Variants in NCKAP1 observed in about 807,000 individuals in gnomAD.
NCKAP1 encodes nck-associated protein 1.
A neutral mutation model predicts 151.2 loss-of-function variants in NCKAP1; 21 were observed. That is an observed-to-expected ratio of 0.14 (90% confidence interval 0.10 to 0.20). The LOEUF is 0.20. NCKAP1 is among the 10% of genes least tolerant of loss of function. The pLI is 1.00. For synonymous variants in NCKAP1, 484 were observed against 451.8 expected (o/e 1.07, Z -0.90); for missense variants, 933 against 1,352.1 (o/e 0.69, Z 4.86).
chr2:182,988,088 G>C (rs191971781), intron 9 of NCKAP1, among the ~76,000 whole-genome samples: 18 of 152,220 alleles, frequency 1.2e-4, no homozygotes, highest in African/African-American at 3.6e-4. Context: ...GGAAGAAAAG[G>C]GCAGATTCCT....
chr2:182,973,948 C>A (rs1221526492), intron 15 of NCKAP1, among the ~76,000 whole-genome samples: 1 of 152,060 alleles, frequency 6.6e-6, no homozygotes, highest in Non-Finnish European at 1.5e-5. Flanking sequence ...TTCAGATTTT[C>A]AGCTGCTATT....
At chr2:182,979,521 A>G (rs1697895610) in intron 13 of NCKAP1, among the ~76,000 whole-genome samples, 1 of 152,144 alleles carries the variant, frequency 6.6e-6, no homozygotes, top group African/African-American at 2.4e-5. Context: ...CTTAGCTTAC[A>G]AACAGTATAA....
chr2:182,980,402 T>C (rs995173591), intron 13 of NCKAP1, among the ~76,000 whole-genome samples: 9 of 152,180 alleles, frequency 5.9e-5, no homozygotes, highest in African/African-American at 9.6e-5. Flanking sequence ...TCTGGAAAAC[T>C]AGCAGCTTTA....
At position 182,995,801 on chromosome 2, in the gene NCKAP1, T is replaced by G. The variant is rs373042474; in HGVS notation, c.641A>C (p.Tyr214Ser). ...SDALISLQMV[Y>S]PRRNLSADQW... ...GTCAGCTGAAAGATTCCTTCGAGGA[T>G]ATACCATTTGAAGAGAAATTAGTGC... The change falls in exon 7 of 31, where the codon TAT (tyrosine) becomes TCT (serine). Residue 214 changes from tyrosine (Y) to serine (S), a missense_variant. By Grantham distance (144) the Tyr-to-Ser change is moderately radical. Transcript: ENST00000361354. 3.1e-6 allele frequency: 5 copies of G among 1,612,472 alleles called. No homozygotes were observed. The highest frequency in any genetic ancestry group is 1.3e-5 in the African/African-American group (1 of 75,004).
chr2:183,013,005 T>A (rs2105885604), intron 2 of NCKAP1, among the ~76,000 whole-genome samples: 1 of 152,106 alleles, frequency 6.6e-6, no homozygotes, highest in South Asian at 2.1e-4. Flanking sequence ...TTCATAACTG[T>A]CTGATAAAAC....
intron 2 of NCKAP1, among the ~76,000 whole-genome samples, chr2:183,023,464 A>G (rs1406033360): frequency 6.6e-6 from 1 of 152,174 alleles, no homozygotes; most frequent in African/African-American, 2.4e-5. Flanking sequence ...TACTAACTTC[A>G]ACAGGAAGTT....
At chr2:182,980,434 G>C (rs1357075020) in intron 13 of NCKAP1, among the ~76,000 whole-genome samples, 1 of 151,880 alleles carries the variant, frequency 6.6e-6, no homozygotes, top group Non-Finnish European at 1.5e-5. Flanking sequence ...ATATAAAGAG[G>C]ATTCTTAACT....
chr2:182,985,046 A>G (rs1278380779), intron 10 of NCKAP1, among the ~76,000 whole-genome samples: 1 of 152,252 alleles, frequency 6.6e-6, no homozygotes, highest in Non-Finnish European at 1.5e-5. Flanking sequence ...GAATTCTAAC[A>G]AACTCCAAAG....
intron 7 of NCKAP1, 149 bp from the exon 8 acceptor site, chr2:182,995,036 T>C: frequency 1.6e-6 from 1 of 640,466 alleles, no homozygotes; most frequent in Non-Finnish European, 2.7e-6. Context: ...TGGATAAAAG[T>C]TTTATTACCT....
chr2:182,971,318 C>T (rs1213830534), intron 15 of NCKAP1, among the ~76,000 whole-genome samples: 1 of 142,484 alleles, frequency 7.0e-6, no homozygotes, highest in African/African-American at 2.6e-5. Flanking sequence ...GGCGTGAACC[C>T]GGGAGGCGGA....
chr2:182,931,961 C>A (rs1211173430), intron 26 of NCKAP1, among the ~76,000 whole-genome samples: 1 of 152,038 alleles, frequency 6.6e-6, no homozygotes, highest in African/African-American at 2.4e-5. Flanking sequence ...TGATTAAGAA[C>A]ACAGACAATT....
At chr2:182,945,858 G>A (rs1014939999) in intron 23 of NCKAP1, among the ~76,000 whole-genome samples, 1 of 152,166 alleles carries the variant, frequency 6.6e-6, no homozygotes, top group African/African-American at 2.4e-5. Flanking sequence ...GCATGTGTAT[G>A]TTCACTGAAG....
intron 16 of NCKAP1, among the ~76,000 whole-genome samples, chr2:182,965,218 CTGT>C (rs1213494418): frequency 6.6e-6 from 1 of 151,280 alleles, no homozygotes; most frequent in Non-Finnish European, 1.5e-5. Context: ...TGGTGAAACC[CTGT>C]CTCTATTTTT....
At chr2:182,970,082 G>A (rs2105841549) in intron 15 of NCKAP1, among the ~76,000 whole-genome samples, 1 of 152,128 alleles carries the variant, frequency 6.6e-6, no homozygotes, top group East Asian at 1.9e-4. Context: ...AAACCTGAAA[G>A]GACCAGTAAT....
intron 15 of NCKAP1, among the ~76,000 whole-genome samples, chr2:182,969,575 G>A (rs1697644365): frequency 6.7e-6 from 1 of 150,150 alleles, no homozygotes; most frequent in Admixed American, 6.6e-5. Context: ...AGAAATTAAG[G>A]AAATAAAACA....
rs1452025864 is a variant in NCKAP1 at position 183,002,157 on chromosome 2, T to A, written c.482A>T (p.Asn161Ile). The A allele has an allele frequency of 3.1e-6, 5 of 1,613,118 alleles. No homozygotes were observed. The highest frequency in any genetic ancestry group is 4.2e-6 in the Non-Finnish European group (5 of 1,179,356). Residue 161 changes from asparagine (N) to isoleucine (I), a missense_variant, in exon 5 of 31, where the codon AAC becomes ATC. Physicochemically the swap from Asn to Ile is moderately radical, Grantham distance 149 (BLOSUM62 -3). Transcript: ENST00000361354. ...EERKAIIGLY[N>I]YAHEMTHGAS... is the part of the protein sequence containing the mutation. ...TCCATGAGTCATTTCATGGGCATAG[T>A]TGTATAATCCAATGATTGCCTTCCT...
At chr2:182,941,290 T>C (rs1696989877) in intron 24 of NCKAP1, among the ~76,000 whole-genome samples, 1 of 152,222 alleles carries the variant, frequency 6.6e-6, no homozygotes, top group Non-Finnish European at 1.5e-5. Flanking sequence ...GAACACACTT[T>C]AATACTTAAG....
At position 182,928,821 on chromosome 2, in the gene NCKAP1, G is replaced by A; in HGVS notation, c.3032C>T (p.Ala1011Val). 6.2e-7 allele frequency: 1 copy of A among 1,611,576 alleles called. No individual in the cohort carries two copies. Among genetic ancestry groups the A allele is most frequent in the Non-Finnish European group, 8.5e-7 (1 of 1,178,342 alleles). The change falls in exon 28 of 31, where the codon GCC becomes GTC. Residue 1011 changes from alanine (A) to valine (V), a missense_variant. Transcript: ENST00000361354. ...VFVAVSLPTL[A>V]SNVMSQYSPA... is the part of the protein sequence containing the mutation. ...GCTGTACTGAGACATCACATTACTG[G>A]CCAGTGTTGGCAAAGAAACTGCCAC...
chr2:182,945,806 T>C (rs896351201), intron 23 of NCKAP1, among the ~76,000 whole-genome samples: 1 of 152,224 alleles, frequency 6.6e-6, no homozygotes, highest in Non-Finnish European at 1.5e-5. Flanking sequence ...TTACTGGGTA[T>C]ATACCCAAAG....
Sources: allele counts gnomAD v4.1 joint callset (sites outside exome capture counted in the v4.1 genomes callset), GRCh38; gene constraint gnomAD v4.1.1; transcripts MANE v1.5; gene names NCBI Gene and HGNC (gene_info 2026-07-23, HGNC 2026-07-21).